Variants in GOSR1 observed in about 807,000 individuals in gnomAD.
The protein encoded by GOSR1 is 28 kDa Golgi SNARE protein.
GOSR1 carries 21 observed loss-of-function variants against 35.5 expected under a neutral mutation model. The ratio of observed to expected loss-of-function variants is 0.59; its 90% CI spans 0.42 to 0.85. The LOEUF (loss-of-function observed/expected upper bound fraction) is 0.85. Among genes scored for constraint, GOSR1 ranks in the 40% least tolerant of loss-of-function variants. The pLI is 0.00. For missense variants in GOSR1, 285 were observed against 309.6 expected (o/e 0.92, Z 0.60); for synonymous variants, 94 against 106.6 (o/e 0.88, Z 0.73).
At chr17:30,504,370 T>C (rs1967326177) in intron 6 of GOSR1, among the ~76,000 whole-genome samples, 1 of 152,152 alleles carries the variant, frequency 6.6e-6, no homozygotes, top group African/African-American at 2.4e-5. Context: ...ACTCTTTTCT[T>C]TGACTTGTAG....
rs1398992386 is a variant in GOSR1, at chr17:30,484,637, A to G, written c.235-26A>G. The stretch of plus-strand genomic sequence containing the variant: ...TTATAGTGCTTAGTAAAATATTTTG[A>G]TTGTTTTTTTTTTCTTTATTTCTAG... On this transcript the variant is annotated intron_variant, in intron 3 of 8. Coordinates refer to ENST00000451249, the MANE Select transcript of GOSR1 (RefSeq NM_001007025.2). 3.3e-6 allele frequency: 4 copies of G among 1,201,342 alleles called. No individual in the cohort carries two copies. The Admixed American group carries it at 7.2e-5, about 22-fold the overall frequency. The allele number at this position is 1,201,342 out of a possible 1,614,324, so 74.4% of individuals were successfully genotyped here.
intron 5 of GOSR1, among the ~76,000 whole-genome samples, chr17:30,490,604 C>A (rs1914982470): frequency 6.6e-6 from 1 of 152,058 alleles, no homozygotes; most frequent in Admixed American, 6.6e-5. Context: ...GTAACTGAAG[C>A]TCCCTATGTT....
chr17:30,520,000 A>G lies in GOSR1; in HGVS notation c.601A>G (p.Ser201Gly), dbSNP rs1366804601. The G allele has an allele frequency of 5.0e-6, 8 of 1,606,564 alleles. No individual in the cohort carries two copies. The highest frequency in any genetic ancestry group is 2.2e-5 in the East Asian group (1 of 44,812). The change falls in exon 8 of 9, where the codon AGC becomes GGC. Residue 201 changes from serine (S) to glycine (G), a missense_variant. Coordinates refer to ENST00000451249, the MANE Select transcript of GOSR1 (RefSeq NM_001007025.2). Reference protein sequence around the residue: ...SQRGMLKSIHSKMNTLANRFP... With the variant: ...SQRGMLKSIHGKMNTLANRFP... ...GAGAGGAATGTTGAAGTCAATTCAC[A>G]GCAAAATGAACACTTTGGCCAGTAT...
At chr17:30,513,473 A>T (rs1356736855) in intron 7 of GOSR1, among the ~76,000 whole-genome samples, 2 of 152,224 alleles carry the variant, frequency 1.3e-5, no homozygotes, top group African/African-American at 4.8e-5. Flanking sequence ...ATGAAATGAG[A>T]TGAGAAAGTA....
chr17:30,499,621 G>A (rs1376140817), intron 6 of GOSR1, among the ~76,000 whole-genome samples: 2 of 152,224 alleles, frequency 1.3e-5, no homozygotes, highest in Non-Finnish European at 2.9e-5. Flanking sequence ...GATTACAGGC[G>A]TGAGCCACTG....
chr17:30,522,212 G>C (rs1322873525), intron 8 of GOSR1, 42 bp from the exon 9 acceptor site: 4 of 1,548,250 alleles, frequency 2.6e-6, no homozygotes, highest in Non-Finnish European at 3.5e-6. Flanking sequence ...TTTCGCCAGA[G>C]AGGCTTCTTC....
At chr17:30,506,133 A>G (rs1006249683) in intron 6 of GOSR1, among the ~76,000 whole-genome samples, 1 of 152,184 alleles carries the variant, frequency 6.6e-6, no homozygotes, top group African/African-American at 2.4e-5. Flanking sequence ...AATTAGGCTA[A>G]TTAATGACTT....
intron 4 of GOSR1, among the ~76,000 whole-genome samples, chr17:30,488,921 G>A (rs1017637612): frequency 2.0e-5 from 3 of 152,166 alleles, no homozygotes; most frequent in Non-Finnish European, 4.4e-5. Context: ...ATAGTCATAA[G>A]ATAATATTCT....
intron 4 of GOSR1, among the ~76,000 whole-genome samples, chr17:30,488,225 C>T (rs555668857): frequency 4.5e-5 from 6 of 134,430 alleles, no homozygotes; most frequent in East Asian, 2.2e-4. Context: ...AGTGCAGTGG[C>T]GCGGTCTTGG....
chr17:30,500,349 C>G (rs1768418455), intron 6 of GOSR1, among the ~76,000 whole-genome samples: 1 of 152,070 alleles, frequency 6.6e-6, no homozygotes, highest in Non-Finnish European at 1.5e-5. Flanking sequence ...CAACATCATA[C>G]AGTTTTAGCT....
At chr17:30,505,534 T>G (rs1278977515) in intron 6 of GOSR1, among the ~76,000 whole-genome samples, 2 of 152,254 alleles carry the variant, frequency 1.3e-5, no homozygotes, top group Non-Finnish European at 2.9e-5. Context: ...GAGGAAGTCT[T>G]GCAGTGCCGT....
chr17:30,508,427 T>C (rs1057360161), intron 6 of GOSR1, among the ~76,000 whole-genome samples: 4 of 152,206 alleles, frequency 2.6e-5, no homozygotes, highest in Non-Finnish European at 5.9e-5. Flanking sequence ...AACCATTATA[T>C]TGAAGAAGGA....
At chr17:30,513,799 A>G (rs2143872585) in intron 7 of GOSR1, among the ~76,000 whole-genome samples, 1 of 152,214 alleles carries the variant, frequency 6.6e-6, no homozygotes, top group East Asian at 1.9e-4. Context: ...AATTGTTTCT[A>G]AAAAGCTAGG....
At chr17:30,477,631 G>A in intron 1 of GOSR1, 167 bp downstream of exon 1, 1 of 1,389,238 alleles carries the variant, frequency 7.2e-7, no homozygotes, top group Non-Finnish European at 9.4e-7. Context: ...ATACCGAACG[G>A]TCTGGGGTAG....
chr17:30,517,174 G>A (rs1247620257), intron 7 of GOSR1, among the ~76,000 whole-genome samples: 1 of 152,036 alleles, frequency 6.6e-6, no homozygotes, highest in African/African-American at 2.4e-5. Flanking sequence ...TTTTTCTAAT[G>A]TTCTTTTCAT....
At chr17:30,497,037 T>C (rs1336546234) in intron 6 of GOSR1, among the ~76,000 whole-genome samples, 1 of 152,202 alleles carries the variant, frequency 6.6e-6, no homozygotes, top group Non-Finnish European at 1.5e-5. Context: ...TAAAATATTA[T>C]CCTAATTTGT....
intron 7 of GOSR1, among the ~76,000 whole-genome samples, chr17:30,516,478 A>AAAAG (rs1567916669): frequency 1.3e-5 from 2 of 148,680 alleles, no homozygotes; most frequent in African/African-American, 2.5e-5. Context: ...TCAAACAAAA[A>AAAAG]AAAAGAAAAA....
At chr17:30,494,883 C>T (rs188450156) in intron 6 of GOSR1, among the ~76,000 whole-genome samples, 2 of 151,720 alleles carry the variant, frequency 1.3e-5, no homozygotes, top group Admixed American at 6.6e-5. Context: ...GCTGGGATTA[C>T]AGGCGTGAGG....
At chr17:30,513,151 T>C (rs1176174517) in intron 7 of GOSR1, among the ~76,000 whole-genome samples, 1 of 152,224 alleles carries the variant, frequency 6.6e-6, no homozygotes, top group Non-Finnish European at 1.5e-5. Context: ...CTTTTAGAGA[T>C]ACATTTTAAA....
Sources: allele counts gnomAD v4.1 joint callset (sites outside exome capture counted in the v4.1 genomes callset), GRCh38; gene constraint gnomAD v4.1.1; transcripts MANE v1.5; gene names NCBI Gene and HGNC (gene_info 2026-07-23, HGNC 2026-07-21).